MCM9: variants seen among roughly 807,000 people sequenced by gnomAD.
MCM9 encodes the protein DNA helicase MCM9.
MCM9 carries 55 observed loss-of-function variants against 72.8 expected under a neutral mutation model. The observed-to-expected ratio is 0.76, with a 90% CI of 0.61 to 0.95. The LOEUF (loss-of-function observed/expected upper bound fraction) is 0.95, where lower values mean the gene tolerates loss of function less well. MCM9 is among the 40% of genes least tolerant of loss of function. The pLI, the probability that MCM9 is intolerant of heterozygous loss-of-function variation, is 0.00. For synonymous variants in MCM9, 480 were observed against 503.4 expected (o/e 0.95, Z 0.62); for missense variants, 1,279 against 1,377.0 (o/e 0.93, Z 1.13).
At chr6:118,843,790 G>A (rs1040044741) in intron 9 of MCM9, among the ~76,000 whole-genome samples, 7 of 146,782 alleles carry the variant, frequency 4.8e-5, no homozygotes, top group Non-Finnish European at 8.9e-5. Flanking sequence ...CTGATCCGGC[G>A]GTTTGCATTA....
chr6:118,868,776 G>C (rs569314947), intron 8 of MCM9, among the ~76,000 whole-genome samples: 1 of 152,350 alleles, frequency 6.6e-6, no homozygotes, highest in South Asian at 2.1e-4. Context: ...ACAGATGCTG[G>C]AGAGGATGTG....
intron 8 of MCM9, among the ~76,000 whole-genome samples, chr6:118,897,171 A>C (rs1476796815): frequency 6.6e-6 from 1 of 152,172 alleles, no homozygotes; most frequent in Non-Finnish European, 1.5e-5. Flanking sequence ...AATTTTCTTA[A>C]TAAGTTATTT....
At chr6:118,827,652 G>A (rs1039388019) in intron 11 of MCM9, among the ~76,000 whole-genome samples, 5 of 152,106 alleles carry the variant, frequency 3.3e-5, no homozygotes, top group Admixed American at 3.3e-4. Flanking sequence ...AATATCAGAA[G>A]TAAGGCTTTC....
At chr6:118,840,629 A>T (rs1775293831) in intron 9 of MCM9, among the ~76,000 whole-genome samples, 1 of 152,154 alleles carries the variant, frequency 6.6e-6, no homozygotes, top group African/African-American at 2.4e-5. Context: ...ATTTTTTTTA[A>T]AAAACCCAAT....
chr6:118,896,620 C>G (rs1779436066), intron 8 of MCM9, among the ~76,000 whole-genome samples: 1 of 152,082 alleles, frequency 6.6e-6, no homozygotes, highest in African/African-American at 2.4e-5. Context: ...TTCCTAGGCA[C>G]CATTACTGAG....
At chr6:118,908,848 T>G (rs1185697833) in intron 8 of MCM9, 2 of 152,606 alleles carry the variant, frequency 1.3e-5, no homozygotes, top group African/African-American at 4.8e-5. Flanking sequence ...TGCCTTCATA[T>G]CTAAAACTTT....
chr6:118,885,652 A>G (rs1246584992), intron 8 of MCM9, among the ~76,000 whole-genome samples: 1 of 152,216 alleles, frequency 6.6e-6, no homozygotes, highest in Non-Finnish European at 1.5e-5. Flanking sequence ...CTATAAACAC[A>G]GAGGCAATAT....
intron 8 of MCM9, among the ~76,000 whole-genome samples, chr6:118,906,622 G>A (rs1445010715): frequency 1.3e-5 from 2 of 152,138 alleles, no homozygotes; most frequent in Non-Finnish European, 2.9e-5. Flanking sequence ...ATTCTTAGAA[G>A]TTAAACTAAC....
intron 13 of MCM9, among the ~76,000 whole-genome samples, chr6:118,821,590 G>A (rs1773814037): frequency 6.6e-6 from 1 of 152,088 alleles, no homozygotes; most frequent in African/African-American, 2.4e-5. Flanking sequence ...AATCAGATGA[G>A]TATATGTCTT....
In MCM9 at chr6:118,872,813, A is replaced by G. The variant is rs544005697; in HGVS notation, c.1151-16268T>C. 1.7e-4 allele frequency among the ~76,000 whole-genome samples: 26 copies of G among 152,036 alleles called. No individual in the cohort carries two copies. In the South Asian group the frequency reaches 4.4e-3, roughly 26 times the overall value. On this transcript the variant is annotated intron_variant, in intron 8 of 13. Coordinates refer to ENST00000619706, the MANE Select transcript of MCM9 (RefSeq NM_017696.3). ...GTTCTCATCTTAGGGAAAAAAAGGAAGGCCAAATGAAATACAAAGTAAGCA... is the reference window on the plus strand; with the variant it reads ...GTTCTCATCTTAGGGAAAAAAAGGAGGGCCAAATGAAATACAAAGTAAGCA...
intron 8 of MCM9, among the ~76,000 whole-genome samples, chr6:118,904,615 C>CA (rs1256627561): frequency 6.6e-6 from 1 of 152,222 alleles, no homozygotes; most frequent in African/African-American, 2.4e-5. Flanking sequence ...TAGTCTAACT[C>CA]AGTTTACTTT....
chr6:118,905,127 C>T (rs1780086834), intron 8 of MCM9, among the ~76,000 whole-genome samples: 1 of 152,200 alleles, frequency 6.6e-6, no homozygotes, highest in Admixed American at 6.5e-5. Flanking sequence ...TAAGCAACCA[C>T]ACCCAACCTC....
rs1780152769 is a variant in MCM9, at chr6:118,905,998, A to AACCCT, written c.1150+5647_1150+5651dup. 1.3e-5 allele frequency among the ~76,000 whole-genome samples: 2 copies of AACCCT among 152,198 alleles called. 1 individual carries two copies. Among genetic ancestry groups the AACCCT allele is most frequent in the Non-Finnish European group, 2.9e-5 (2 of 68,026 alleles). On this transcript the variant is annotated intron_variant, in intron 8 of 13. Transcript: ENST00000619706. ...TGTTCCATTACCATGGATGACTTCA[A>AACCCT]ACCCTACCTTCAGATGAGTCATTAG... is the stretch of plus-strand genomic sequence containing the variant.
intron 9 of MCM9, among the ~76,000 whole-genome samples, chr6:118,848,899 G>A (rs1425536631): frequency 6.6e-6 from 1 of 151,912 alleles, no homozygotes; most frequent in Admixed American, 6.6e-5. Flanking sequence ...TCCAGCCTGG[G>A]TGACAGAGCA....
At chr6:118,870,402 G>A (rs938802458) in intron 8 of MCM9, among the ~76,000 whole-genome samples, 15 of 132,966 alleles carry the variant, frequency 1.1e-4, no homozygotes, top group African/African-American at 4.0e-4. Context: ...CAACTATTGG[G>A]TCAAAGAAGA....
At chr6:118,921,755 C>T (rs1583674897) in intron 5 of MCM9, 1 of 324,330 alleles carries the variant, frequency 3.1e-6, no homozygotes. Flanking sequence ...CCACTTAACT[C>T]TCTAAGTGAC....
chr6:118,914,973 G>A (rs1780824986), intron 6 of MCM9, among the ~76,000 whole-genome samples: 1 of 152,166 alleles, frequency 6.6e-6, no homozygotes, highest in Non-Finnish European at 1.5e-5. Flanking sequence ...AATCAAGGGA[G>A]TTAGTAAGTA....
chr6:118,838,457 C>CT (rs754672938), intron 9 of MCM9, among the ~76,000 whole-genome samples: 100 of 151,992 alleles, frequency 6.6e-4, no homozygotes, highest in Non-Finnish European at 1.3e-3. Context: ...CCACGCCCGG[C>CT]TTTTTTGTAT....
rs886133291 is a variant in MCM9 at position 118,834,175 on chromosome 6, C to T, written c.1326-4925G>A. Among the ~76,000 whole-genome samples the T allele has an allele frequency of 4.6e-5, 7 of 152,128 alleles. No individual in the cohort carries two copies. The East Asian group carries it at 1.3e-3, about 29-fold the overall frequency. On this transcript the variant is annotated intron_variant, in intron 9 of 13. Transcript: ENST00000619706. The stretch of plus-strand genomic sequence containing the variant: ...GACGGTTTCCAGCTTCACTCATGTC[C>T]CTGCAAAGGACACGAATTCATCCTT...
Sources: gnomAD v4.1 joint callset for allele counts (sites outside exome capture counted in the v4.1 genomes callset) on GRCh38, gnomAD v4.1.1 for gene constraint, MANE v1.5 for transcripts, NCBI Gene and HGNC (gene_info 2026-07-23, HGNC 2026-07-21) for gene names.